ZNF804B: variants seen among roughly 807,000 people sequenced by gnomAD.
The protein encoded by ZNF804B is zinc finger protein 804B.
A neutral mutation model predicts 101.4 loss-of-function variants in ZNF804B; 80 were observed. The ratio of observed to expected loss-of-function variants is 0.79; its 90% confidence interval spans 0.66 to 0.95. The LOEUF (loss-of-function observed/expected upper bound fraction) is 0.95. Ranked by LOEUF, ZNF804B falls within the 40% of genes least tolerant of loss-of-function variation. ZNF804B has a pLI of 0.00. For missense variants in ZNF804B, 1,673 were observed against 1,561.9 expected, an observed-to-expected ratio of 1.07 and a Z score of -1.20; for synonymous variants, 622 against 558.8, an observed-to-expected ratio of 1.11 and a Z score of -1.59.
At chr7:89,219,946 T>C (rs62470302) in intron 2 of ZNF804B, among the ~76,000 whole-genome samples, 1,777 of 117,046 alleles carry the variant, frequency 0.015, 5 homozygotes, top group South Asian at 0.022. Context: ...CATATATATG[T>C]ATATACATAT....
intron 1 of ZNF804B, among the ~76,000 whole-genome samples, chr7:89,014,924 C>T (rs1788522150): frequency 6.6e-6 from 1 of 152,150 alleles, no homozygotes; most frequent in African/African-American, 2.4e-5. Flanking sequence ...AACCTTTTCC[C>T]AGACCGATGT....
chr7:88,845,277 GCGCA>G (rs1361204968), intron 1 of ZNF804B, among the ~76,000 whole-genome samples: 2 of 134,100 alleles, frequency 1.5e-5, no homozygotes, highest in South Asian at 2.3e-4. Context: ...GCGCATGTGT[GCGCA>G]CGCGCGCGCG....
chr7:89,117,897 T>C (rs540608643), intron 1 of ZNF804B, among the ~76,000 whole-genome samples: 1 of 152,314 alleles, frequency 6.6e-6, no homozygotes, highest in South Asian at 2.1e-4. Context: ...AGATTGATCG[T>C]GAATACTTAG....
At chr7:89,037,666 C>A (rs1037219724) in intron 1 of ZNF804B, among the ~76,000 whole-genome samples, 1 of 151,776 alleles carries the variant, frequency 6.6e-6, no homozygotes, top group African/African-American at 2.4e-5. Flanking sequence ...GTGATAAGAT[C>A]ATTTAAGTTC....
chr7:89,018,198 C>T (rs549652778), intron 1 of ZNF804B, among the ~76,000 whole-genome samples: 2 of 152,086 alleles, frequency 1.3e-5, no homozygotes, highest in South Asian at 4.2e-4. Flanking sequence ...CCTTCTATAT[C>T]CAGTTTGTTG....
At position 89,337,012 on chromosome 7, in the gene ZNF804B, G is replaced by A. The variant is rs755718075; in HGVS notation, c.4030G>A (p.Val1344Met). Residue 1344 changes from valine to methionine, a missense_variant, in exon 4 of 4, where the codon GTG becomes ATG. Coordinates refer to ENST00000333190, the MANE Select transcript of ZNF804B (RefSeq NM_181646.5). ...AAATGAAGTGAAAGAGGCCTTAAAT[G>A]TGTCCACACACTTGAACTAATAAGT... ...QLNEVKEALN[V>M]STHLN is the part of the protein sequence containing the mutation. 16 of 1,613,670 alleles carry A rather than the reference G, an allele frequency of 9.9e-6. No homozygotes were observed. The South Asian group carries it at 1.8e-4, about 18-fold the overall frequency.
intron 1 of ZNF804B, among the ~76,000 whole-genome samples, chr7:89,103,489 G>A (rs1410211088): frequency 6.6e-6 from 1 of 151,550 alleles, no homozygotes; most frequent in Non-Finnish European, 1.5e-5. Context: ...GTGCATGTGT[G>A]TGTGTGTCTA....
chr7:88,870,384 C>CAAAAAA (rs1212123301), intron 1 of ZNF804B, among the ~76,000 whole-genome samples: 7 of 36,078 alleles, frequency 1.9e-4, no homozygotes, highest in African/African-American at 7.1e-4. Context: ...AACTCCGTCT[C>CAAAAAA]AAAAAAAAAA....
At chr7:88,934,305 A>G (rs920137626) in intron 1 of ZNF804B, among the ~76,000 whole-genome samples, 1 of 152,064 alleles carries the variant, frequency 6.6e-6, no homozygotes, top group African/African-American at 2.4e-5. Flanking sequence ...TCTAGAAGAT[A>G]ATTTCAGAGA....
chr7:89,154,657 A>G (rs1562899117), intron 1 of ZNF804B, among the ~76,000 whole-genome samples: 2 of 152,100 alleles, frequency 1.3e-5, no homozygotes, highest in African/African-American at 4.8e-5. Flanking sequence ...GGATCTAAAA[A>G]TCAAAGCAAT....
chr7:89,146,666 T>C (rs1383756586), intron 1 of ZNF804B, among the ~76,000 whole-genome samples: 1 of 152,026 alleles, frequency 6.6e-6, no homozygotes, highest in Non-Finnish European at 1.5e-5. Flanking sequence ...TAGAACTGTA[T>C]TCTGTGGCTC....
chr7:88,898,959 C>G (rs561860186), intron 1 of ZNF804B, among the ~76,000 whole-genome samples: 16 of 152,176 alleles, frequency 1.1e-4, no homozygotes, highest in Admixed American at 5.2e-4. Flanking sequence ...TAACCCTTGT[C>G]TCTTCTAGAG....
intron 1 of ZNF804B, among the ~76,000 whole-genome samples, chr7:88,986,587 C>A (rs1057278085): frequency 2.0e-5 from 3 of 152,100 alleles, no homozygotes; most frequent in African/African-American, 7.2e-5. Context: ...ACTTTGCCTT[C>A]TCTTGTAGTG....
At chr7:88,863,213 TC>T (rs1722144188) in intron 1 of ZNF804B, among the ~76,000 whole-genome samples, 1 of 152,152 alleles carries the variant, frequency 6.6e-6, no homozygotes. Flanking sequence ...CCTACAATGC[TC>T]TGATACCCCT....
intron 2 of ZNF804B, among the ~76,000 whole-genome samples, chr7:89,293,518 C>T (rs984040710): frequency 6.6e-6 from 1 of 152,176 alleles, no homozygotes; most frequent in Non-Finnish European, 1.5e-5. Flanking sequence ...GGCGTGGTGT[C>T]TCACACCTGT....
intron 1 of ZNF804B, among the ~76,000 whole-genome samples, chr7:89,122,273 G>T (rs1790418453): frequency 6.6e-6 from 1 of 152,076 alleles, no homozygotes; most frequent in South Asian, 2.1e-4. Context: ...AGTCACATTA[G>T]CCATGTTTCA....
intron 1 of ZNF804B, among the ~76,000 whole-genome samples, chr7:88,970,330 C>G (rs1220524575): frequency 7.7e-6 from 1 of 130,542 alleles, no homozygotes; most frequent in Non-Finnish European, 1.6e-5. Flanking sequence ...CATGCATTAG[C>G]TATTTATTCT....
intron 1 of ZNF804B, among the ~76,000 whole-genome samples, chr7:88,835,064 A>G (rs1307684148): frequency 3.3e-5 from 5 of 151,888 alleles, no homozygotes; most frequent in African/African-American, 1.2e-4. Context: ...ATTTTAATCA[A>G]TTGGAGTTTT....
intron 1 of ZNF804B, among the ~76,000 whole-genome samples, chr7:88,943,936 C>T (rs1261591192): frequency 6.6e-6 from 1 of 151,766 alleles, no homozygotes; most frequent in Non-Finnish European, 1.5e-5. Flanking sequence ...TCGTATGTAT[C>T]AGTTCCTTTT....
Sources: gnomAD v4.1 joint callset for allele counts (sites outside exome capture counted in the v4.1 genomes callset) on GRCh38, gnomAD v4.1.1 for gene constraint, MANE v1.5 for transcripts, NCBI Gene and HGNC (gene_info 2026-07-23, HGNC 2026-07-21) for gene names.